PPARGC1B: variants seen among roughly 807,000 people sequenced by gnomAD.
PPARGC1B encodes the protein peroxisome proliferator-activated receptor gamma coactivator 1-beta.
A neutral mutation model predicts 101.6 loss-of-function variants in PPARGC1B; 34 were observed. The ratio of observed to expected loss-of-function variants is 0.33; its 90% CI spans 0.25 to 0.45. PPARGC1B has a LOEUF of 0.45. Ranked by LOEUF, PPARGC1B falls within the 20% of genes least tolerant of loss-of-function variation. The pLI, the probability that PPARGC1B is intolerant of heterozygous loss-of-function variation, is 1.00. For missense variants in PPARGC1B, 1,234 were observed against 1,317.6 expected, an observed-to-expected ratio of 0.94 and a Z score of 0.98; for synonymous variants, 548 against 539.3, an observed-to-expected ratio of 1.02 and a Z score of -0.22.
chr5:149,783,900 C>A (rs551451169), intron 1 of PPARGC1B, among the ~76,000 whole-genome samples: 1 of 152,232 alleles, frequency 6.6e-6, no homozygotes, highest in Admixed American at 6.5e-5. Context: ...CGTTTATACC[C>A]ATGGCAGTAA....
chr5:149,760,130 G>C (rs1415145231), intron 1 of PPARGC1B, among the ~76,000 whole-genome samples: 2 of 152,164 alleles, frequency 1.3e-5, no homozygotes, highest in Non-Finnish European at 2.9e-5. Context: ...CGCATACACT[G>C]TGCCAGGCTG....
In PPARGC1B at chr5:149,730,426, G is replaced by C; in HGVS notation, c.78+6G>C. ...ACTATCTCGCTGACACGCAGGTACG[G>C]CCGGCTGGGGCTGCGGGCCCGGGGC... On this transcript the variant is annotated splice_donor_region_variant and intron_variant, in intron 1 of 11. Coordinates refer to ENST00000309241, the MANE Select transcript of PPARGC1B (RefSeq NM_133263.4). The surrounding 1 kb of genome is among the most constrained non-coding windows in gnomAD (Gnocchi z 4.0). 1 of 1,545,676 alleles carries C rather than the reference G, an allele frequency of 6.5e-7. No individual in the cohort carries two copies. The highest frequency in any genetic ancestry group is 8.7e-7 in the Non-Finnish European group (1 of 1,147,970).
At chr5:149,793,687 C>T (rs535986451) in intron 1 of PPARGC1B, among the ~76,000 whole-genome samples, 12 of 152,266 alleles carry the variant, frequency 7.9e-5, no homozygotes, top group South Asian at 2.1e-4. Flanking sequence ...AGTCCACTGC[C>T]GATCAGAAAC....
At chr5:149,744,523 C>T (rs187765081) in intron 1 of PPARGC1B, among the ~76,000 whole-genome samples, 31 of 152,296 alleles carry the variant, frequency 2.0e-4, no homozygotes, top group Non-Finnish European at 3.7e-4. Flanking sequence ...AGGAAAGGTA[C>T]ATTCTGTTCA....
chr5:149,798,524 C>T (rs561276843), intron 1 of PPARGC1B, among the ~76,000 whole-genome samples: 120 of 152,310 alleles, frequency 7.9e-4, no homozygotes, highest in African/African-American at 2.8e-3. Context: ...AGAAGCATGG[C>T]CTCAGCTTAG....
At chr5:149,774,022 TCCAG>T (rs1402831164) in intron 1 of PPARGC1B, among the ~76,000 whole-genome samples, 1 of 152,194 alleles carries the variant, frequency 6.6e-6, no homozygotes, top group Non-Finnish European at 1.5e-5. Flanking sequence ...GCCTCAGGGC[TCCAG>T]CCTGAGCCCT....
chr5:149,731,770 C>T (rs559632973), intron 1 of PPARGC1B, among the ~76,000 whole-genome samples: 1 of 152,190 alleles, frequency 6.6e-6, no homozygotes, highest in Non-Finnish European at 1.5e-5. Context: ...TTGGAAGGGA[C>T]GCCGCAGCCG....
intron 1 of PPARGC1B, among the ~76,000 whole-genome samples, chr5:149,750,315 A>T (rs1322589750): frequency 6.6e-6 from 1 of 151,826 alleles, no homozygotes; most frequent in Non-Finnish European, 1.5e-5. Flanking sequence ...GGAGCAAGTC[A>T]TTCAAAATCC....
In PPARGC1B at chr5:149,849,575, C is replaced by T. The variant is rs929650364; in HGVS notation, c.*2017C>T. On this transcript the variant is annotated 3_prime_UTR_variant, in exon 12 of 12. Transcript: ENST00000309241. ...TGCTATAAGAATCCTGAAATCAGTGCTCTGGTAAGTCATTACTAATTGATT... is the reference window on the plus strand; with the variant it reads ...TGCTATAAGAATCCTGAAATCAGTGTTCTGGTAAGTCATTACTAATTGATT... 6.6e-6 allele frequency: 1 copy of T among 152,226 alleles called. No homozygotes were observed. Among genetic ancestry groups the T allele is most frequent in the African/African-American group, 2.4e-5 (1 of 41,448 alleles). 9.4% of individuals were successfully genotyped at this position (152,226 alleles called of 1,614,324 possible).
chr5:149,800,125 T>C (rs1757382787), intron 1 of PPARGC1B, among the ~76,000 whole-genome samples: 1 of 152,192 alleles, frequency 6.6e-6, no homozygotes, highest in Non-Finnish European at 1.5e-5. Context: ...ACCAACTCCT[T>C]ATTCCTATTT....
intron 10 of PPARGC1B, among the ~76,000 whole-genome samples, chr5:149,844,523 C>T (rs891033093): frequency 6.6e-6 from 1 of 152,224 alleles, no homozygotes; most frequent in African/African-American, 2.4e-5. Flanking sequence ...CCTGTAATCT[C>T]AGCTACTCAG....
intron 1 of PPARGC1B, 34 bp from the exon 2 acceptor site, chr5:149,820,399 C>T: frequency 6.2e-7 from 1 of 1,603,496 alleles, no homozygotes; most frequent in Non-Finnish European, 8.5e-7. Context: ...CCAGCCTCAG[C>T]TCTGATCCAC....
intron 2 of PPARGC1B, among the ~76,000 whole-genome samples, chr5:149,826,086 G>T (rs1188191579): frequency 1.3e-5 from 2 of 152,138 alleles, no homozygotes; most frequent in Non-Finnish European, 2.9e-5. Context: ...ATGGGACCTG[G>T]GGTACAGCCC....
chr5:149,814,291 C>T (rs1266358423), intron 1 of PPARGC1B, among the ~76,000 whole-genome samples: 1 of 152,220 alleles, frequency 6.6e-6, no homozygotes, highest in Non-Finnish European at 1.5e-5. Flanking sequence ...TCTTTCTGCA[C>T]TTTTCTCCCC....
chr5:149,855,853 G>C (rs566564533), downstream of PPARGC1B, among the ~76,000 whole-genome samples: 1 of 152,070 alleles, frequency 6.6e-6, no homozygotes, highest in Non-Finnish European at 1.5e-5. Context: ...GCGGTGGCTC[G>C]CATCTGTAAT....
At position 149,764,335 on chromosome 5, in the gene PPARGC1B, G is replaced by A. The variant is rs549990444; in HGVS notation, c.78+33915G>A. 3.3e-5 allele frequency among the ~76,000 whole-genome samples: 5 copies of A among 152,292 alleles called. No individual in the cohort carries two copies. In the South Asian group the frequency reaches 6.2e-4, roughly 19 times the overall value. ...AAGAGGACCAGAGGGACCTCAGCCCGGCGAGCAGTGGCCTCCAGCCCTGCA... is the reference window on the plus strand; with the variant it reads ...AAGAGGACCAGAGGGACCTCAGCCCAGCGAGCAGTGGCCTCCAGCCCTGCA... On this transcript the variant is annotated intron_variant, in intron 1 of 11. Transcript: ENST00000309241.
chr5:149,791,545 G>A (rs1166012293), intron 1 of PPARGC1B, among the ~76,000 whole-genome samples: 1 of 152,102 alleles, frequency 6.6e-6, no homozygotes, highest in Non-Finnish European at 1.5e-5. Flanking sequence ...TGGGGCTGGG[G>A]GATCCAACCT....
In PPARGC1B at chr5:149,834,747, A is replaced by G. The variant is rs760193480; in HGVS notation, c.1742+37A>G. On this transcript the variant is annotated intron_variant, in intron 6 of 11. Transcript: ENST00000309241. Reference sequence around the variant, plus strand: ...GAAATTATTGGTGTATTGTTCCATGAGATTTTGTCTTGTTGGATGTGTGTG... The same window carrying G: ...GAAATTATTGGTGTATTGTTCCATGGGATTTTGTCTTGTTGGATGTGTGTG... The G allele has an allele frequency of 3.8e-6, 6 of 1,593,292 alleles. No homozygotes were observed. In the East Asian group the frequency reaches 1.1e-4, roughly 30 times the overall value.
intron 1 of PPARGC1B, among the ~76,000 whole-genome samples, chr5:149,737,084 TC>T (rs1449182340): frequency 6.6e-6 from 1 of 152,178 alleles, no homozygotes; most frequent in Non-Finnish European, 1.5e-5. Flanking sequence ...GTCCCCCAAC[TC>T]CTGACAACCA....
Sources: gnomAD v4.1 joint callset for allele counts (sites outside exome capture counted in the v4.1 genomes callset) on GRCh38, gnomAD v4.1.1 for gene constraint, Gnocchi (gnomAD v3.1) non-coding constraint, MANE v1.5 for transcripts, NCBI Gene and HGNC (gene_info 2026-07-23, HGNC 2026-07-21) for gene names.